VTI1A: variants seen among roughly 807,000 people sequenced by gnomAD.
The protein encoded by VTI1A is vesicle transport through interaction with t-SNAREs homolog 1A.
VTI1A carries 22 observed loss-of-function variants against 34.9 expected under a neutral mutation model. The observed-to-expected ratio is 0.63, with a 90% CI of 0.45 to 0.90. VTI1A has a LOEUF of 0.90. VTI1A is among the 40% of genes least tolerant of loss of function. The pLI, the probability that VTI1A is intolerant of heterozygous loss-of-function variation, is 0.00. For synonymous variants in VTI1A, 87 were observed against 97.3 expected (o/e 0.89, Z 0.62); for missense variants, 268 against 275.6 (o/e 0.97, Z 0.20).
At chr10:112,845,251 T>C in the VTI1A span, among the ~76,000 whole-genome samples, 1 of 152,180 alleles carries the variant, frequency 6.6e-6, no homozygotes, top group South Asian at 2.1e-4. Flanking sequence ...ACGGCCTTTC[T>C]CTGCACAAGT....
At chr10:112,631,540 G>T (rs1050723328) in intron 5 of VTI1A, among the ~76,000 whole-genome samples, 2 of 152,150 alleles carry the variant, frequency 1.3e-5, no homozygotes, top group Non-Finnish European at 2.9e-5. Context: ...GTCTGGTTTT[G>T]TTCACTCAGC....
At chr10:112,774,214 T>A (rs1199807999) in intron 7 of VTI1A, among the ~76,000 whole-genome samples, 1 of 152,152 alleles carries the variant, frequency 6.6e-6, no homozygotes, top group Non-Finnish European at 1.5e-5. Flanking sequence ...GAGAAGCAGT[T>A]CAGGAGCTAT....
intron 7 of VTI1A, among the ~76,000 whole-genome samples, chr10:112,813,960 G>C (rs1466161954): frequency 4.6e-5 from 7 of 152,208 alleles, no homozygotes; most frequent in Non-Finnish European, 1.0e-4. Flanking sequence ...GAGAGAGCTC[G>C]TCCTTTTAGG....
At chr10:112,627,125 T>C (rs1845951155) in intron 5 of VTI1A, among the ~76,000 whole-genome samples, 1 of 152,228 alleles carries the variant, frequency 6.6e-6, no homozygotes. Context: ...ATGATGAGCT[T>C]TGAATAATCT....
chr10:112,550,113 A>T (rs555931858), intron 5 of VTI1A, among the ~76,000 whole-genome samples: 22 of 152,292 alleles, frequency 1.4e-4, no homozygotes, highest in Non-Finnish European at 2.9e-4. Flanking sequence ...ACTTCCCCAT[A>T]ATGCCTATCA....
intron 5 of VTI1A, among the ~76,000 whole-genome samples, chr10:112,623,802 G>A (rs1228551970): frequency 2.0e-5 from 3 of 152,088 alleles, no homozygotes; most frequent in East Asian, 3.8e-4. Context: ...TAACAACCTC[G>A]GCACTGTGCA....
At chr10:112,483,425 T>C (rs563372325) in intron 3 of VTI1A, among the ~76,000 whole-genome samples, 1 of 152,318 alleles carries the variant, frequency 6.6e-6, no homozygotes, top group Non-Finnish European at 1.5e-5. Flanking sequence ...ACCTTGATAT[T>C]GATACTTTGA....
chr10:112,451,579 A>G (rs1232263686), intron 1 of VTI1A, among the ~76,000 whole-genome samples: 1 of 152,216 alleles, frequency 6.6e-6, no homozygotes, highest in Admixed American at 6.5e-5. Flanking sequence ...CAGGATCCCA[A>G]GGGGGGCAGT....
intron 5 of VTI1A, among the ~76,000 whole-genome samples, chr10:112,610,408 G>T (rs1404742839): frequency 2.6e-5 from 4 of 151,980 alleles, no homozygotes; most frequent in African/African-American, 9.7e-5. Context: ...GCAAAATGTG[G>T]CATAAAGTCA....
Position 112,658,507 on chromosome 10 carries a change from C to G in VTI1A, c.428-9711C>G, listed in dbSNP as rs185904967. Among the ~76,000 whole-genome samples the G allele has an allele frequency of 4.0e-3, 610 of 152,236 alleles. 6 individuals are homozygous for G. Among genetic ancestry groups the G allele is most frequent in the African/African-American group, 0.014 (577 of 41,536 alleles). On this transcript the variant is annotated intron_variant, in intron 5 of 7. Transcript: ENST00000393077. ...GAATGGTTCCAGTGAACAAAAATTT[C>G]CTGAGCACCTGCATATGTCCTGTAC... is the stretch of plus-strand genomic sequence containing the variant.
intron 3 of VTI1A, among the ~76,000 whole-genome samples, chr10:112,496,702 A>C (rs1849038516): frequency 6.6e-6 from 1 of 152,248 alleles, no homozygotes; most frequent in South Asian, 2.1e-4. Context: ...GATAATGTAG[A>C]TGGTGACAAT....
chr10:112,558,749 A>T (rs1851618736), intron 5 of VTI1A, among the ~76,000 whole-genome samples: 2 of 152,070 alleles, frequency 1.3e-5, no homozygotes, highest in African/African-American at 2.4e-5. Flanking sequence ...AGAGACACAC[A>T]CTCTCTCTCG....
chr10:112,554,402 T>C (rs1458921895), intron 5 of VTI1A, among the ~76,000 whole-genome samples: 1 of 152,200 alleles, frequency 6.6e-6, no homozygotes, highest in Non-Finnish European at 1.5e-5. Flanking sequence ...TTGATTTTAG[T>C]TAATAATAAT....
intron 7 of VTI1A, among the ~76,000 whole-genome samples, chr10:112,732,334 G>A (rs1317144173): frequency 6.6e-6 from 1 of 152,086 alleles, no homozygotes; most frequent in African/African-American, 2.4e-5. Context: ...TCCTGGCCAG[G>A]CCAGCATAAT....
At chr10:112,558,251 T>C (rs1001865116) in intron 5 of VTI1A, among the ~76,000 whole-genome samples, 5 of 152,122 alleles carry the variant, frequency 3.3e-5, no homozygotes, top group African/African-American at 1.2e-4. Context: ...TCCAGTAGTA[T>C]TTACAGTAGA....
chr10:112,544,506 A>G (rs1218048527), intron 5 of VTI1A, among the ~76,000 whole-genome samples: 1 of 152,098 alleles, frequency 6.6e-6, no homozygotes, highest in Non-Finnish European at 1.5e-5. Context: ...CGGCTGAGAC[A>G]GACATTTCTT....
At chr10:112,762,938 T>A (rs1851520055) in intron 7 of VTI1A, among the ~76,000 whole-genome samples, 1 of 152,200 alleles carries the variant, frequency 6.6e-6, no homozygotes, top group South Asian at 2.1e-4. Context: ...CAATGCTAGT[T>A]TTAAATATAT....
intron 5 of VTI1A, among the ~76,000 whole-genome samples, chr10:112,607,274 A>G (rs1259057472): frequency 6.6e-6 from 1 of 151,808 alleles, no homozygotes; most frequent in African/African-American, 2.4e-5. Flanking sequence ...GTGATAGAGC[A>G]AGACTCCATC....
At chr10:112,616,351 A>G (rs984155338) in intron 5 of VTI1A, among the ~76,000 whole-genome samples, 1 of 152,208 alleles carries the variant, frequency 6.6e-6, no homozygotes, top group East Asian at 1.9e-4. Flanking sequence ...ACAATGGGAT[A>G]GCTAAATTCG....
Sources: allele counts gnomAD v4.1 joint callset (sites outside exome capture counted in the v4.1 genomes callset), GRCh38; gene constraint gnomAD v4.1.1; transcripts MANE v1.5; gene names NCBI Gene and HGNC (gene_info 2026-07-23, HGNC 2026-07-21).